CNTNAP2: variants seen among roughly 807,000 people sequenced by gnomAD.
CNTNAP2 encodes the protein contactin associated protein 2, also known as contactin-associated protein-like 2.
Under a neutral mutation model 155.2 loss-of-function variants are expected in CNTNAP2, and 98 were observed. That is an observed-to-expected ratio of 0.63 (90% CI 0.54 to 0.75). CNTNAP2 has a LOEUF of 0.75. Ranked by LOEUF, CNTNAP2 falls within the 30% of genes least tolerant of loss-of-function variation. The pLI, the probability that CNTNAP2 is intolerant of heterozygous loss-of-function variation, is 0.00. For synonymous variants in CNTNAP2, 651 were observed against 631.2 expected, an observed-to-expected ratio of 1.03 and a Z score of -0.47; for missense variants, 1,727 against 1,688.1, an observed-to-expected ratio of 1.02 and a Z score of -0.40.
At chr7:146,847,569 C>T (rs1415404904) in intron 3 of CNTNAP2, among the ~76,000 whole-genome samples, 1 of 152,144 alleles carries the variant, frequency 6.6e-6, no homozygotes, top group African/African-American at 2.4e-5. Context: ...TTATTTTATA[C>T]ATTTGTGATT....
At chr7:147,467,512 T>C (rs1361064714) in intron 10 of CNTNAP2, among the ~76,000 whole-genome samples, 1 of 152,158 alleles carries the variant, frequency 6.6e-6, no homozygotes, top group African/African-American at 2.4e-5. Context: ...CAGAGTGAAA[T>C]AATAGATACT....
At chr7:146,523,109 C>T (rs1170166973) in intron 1 of CNTNAP2, among the ~76,000 whole-genome samples, 1 of 151,964 alleles carries the variant, frequency 6.6e-6, no homozygotes, top group African/African-American at 2.4e-5. Context: ...GCAGTATATA[C>T]TGCACCATCT....
chr7:148,396,905 T>C (rs1001436152), intron 22 of CNTNAP2, among the ~76,000 whole-genome samples: 3 of 152,186 alleles, frequency 2.0e-5, no homozygotes, highest in Non-Finnish European at 2.9e-5. Context: ...ATTTTAAACA[T>C]AGAAAATAAG....
chr7:147,853,557 T>G (rs1181752137), intron 13 of CNTNAP2, among the ~76,000 whole-genome samples: 2 of 152,208 alleles, frequency 1.3e-5, no homozygotes, highest in East Asian at 3.8e-4. Flanking sequence ...AGAAGCTCGA[T>G]TATATATGTT....
chr7:146,940,600 C>T (rs1797032612), intron 3 of CNTNAP2, among the ~76,000 whole-genome samples: 1 of 151,856 alleles, frequency 6.6e-6, no homozygotes, highest in South Asian at 2.1e-4. Flanking sequence ...GATAAGAAGC[C>T]ATTCTCATGA....
At chr7:148,036,812 G>A (rs192695475) in intron 15 of CNTNAP2, among the ~76,000 whole-genome samples, 1 of 152,090 alleles carries the variant, frequency 6.6e-6, no homozygotes, top group African/African-American at 2.4e-5. Flanking sequence ...CCATAAAATG[G>A]ATGGAAATGT....
intron 21 of CNTNAP2, among the ~76,000 whole-genome samples, chr7:148,307,450 C>G (rs1797509091): frequency 2.0e-5 from 3 of 152,214 alleles, no homozygotes; most frequent in African/African-American, 7.2e-5. Context: ...GTGCAAGCAT[C>G]TGTCCTTGGA....
chr7:147,881,789 C>T (rs1799526763), intron 13 of CNTNAP2, among the ~76,000 whole-genome samples: 2 of 152,000 alleles, frequency 1.3e-5, no homozygotes, highest in African/African-American at 4.8e-5. Context: ...TGGCCAACAA[C>T]GGTGAAACCC....
At chr7:147,342,097 C>T (rs1163290945) in intron 9 of CNTNAP2, among the ~76,000 whole-genome samples, 1 of 152,086 alleles carries the variant, frequency 6.6e-6, no homozygotes, top group Non-Finnish European at 1.5e-5. Context: ...AGACTGGAAG[C>T]TTGCTGGCAT....
intron 8 of CNTNAP2, among the ~76,000 whole-genome samples, chr7:147,205,503 AC>A (rs1312931754): frequency 6.6e-6 from 1 of 152,140 alleles, no homozygotes; most frequent in Non-Finnish European, 1.5e-5. Flanking sequence ...GAATATCTTT[AC>A]ATTTTTGTGT....
At chr7:147,660,323 A>G (rs1055616706) in intron 13 of CNTNAP2, among the ~76,000 whole-genome samples, 2 of 151,906 alleles carry the variant, frequency 1.3e-5, no homozygotes, top group Non-Finnish European at 2.9e-5. Flanking sequence ...TTTCTGAGCA[A>G]CTCCACTTAT....
At chr7:146,847,608 T>C (rs1794784762) in intron 3 of CNTNAP2, among the ~76,000 whole-genome samples, 1 of 152,216 alleles carries the variant, frequency 6.6e-6, no homozygotes, top group Non-Finnish European at 1.5e-5. Flanking sequence ...GTATATTGGC[T>C]CTTTTCTTGA....
chr7:148,325,044 G>A (rs1399082853), intron 21 of CNTNAP2, among the ~76,000 whole-genome samples: 3 of 152,112 alleles, frequency 2.0e-5, no homozygotes, highest in African/African-American at 7.2e-5. Context: ...TAATTACCTC[G>A]GTTTACAGAA....
intron 8 of CNTNAP2, among the ~76,000 whole-genome samples, chr7:147,143,766 TAAG>T (rs939501633): frequency 1.3e-5 from 2 of 152,178 alleles, no homozygotes; most frequent in African/African-American, 2.4e-5. Flanking sequence ...ACTTTTATAA[TAAG>T]AGATTTTTTT....
rs143473146 is a variant in CNTNAP2 at position 146,418,125 on chromosome 7, GAGA to G, written c.97+301162_97+301164del. ...TTCTTAGTCTTCCTCATCTGTGAAA[GAGA>G]AGAAGAAGATGTGACTTACCTGTTT... On this transcript the variant is annotated intron_variant, in intron 1 of 23. Coordinates refer to ENST00000361727, the MANE Select transcript of CNTNAP2 (RefSeq NM_014141.6). Among the ~76,000 whole-genome samples the G allele has an allele frequency of 5.3e-3, 814 of 152,310 alleles. 8 individuals are homozygous for G. Among genetic ancestry groups the G allele is most frequent in the African/African-American group, 0.018 (756 of 41,588 alleles).
chr7:146,130,228 G>A (rs747972171), intron 1 of CNTNAP2, among the ~76,000 whole-genome samples: 3 of 152,192 alleles, frequency 2.0e-5, no homozygotes, highest in African/African-American at 4.8e-5. Flanking sequence ...TTGGGAGGCC[G>A]AGGCAAGAGG....
intron 8 of CNTNAP2, among the ~76,000 whole-genome samples, chr7:147,271,086 C>T (rs531822595): frequency 6.6e-6 from 1 of 152,038 alleles, no homozygotes; most frequent in South Asian, 2.1e-4. Context: ...CGTTATTGAA[C>T]GTAGAATTTA....
intron 1 of CNTNAP2, among the ~76,000 whole-genome samples, chr7:146,340,162 C>T (rs541221397): frequency 3.0e-4 from 38 of 128,534 alleles, no homozygotes; most frequent in African/African-American, 1.3e-3. Context: ...GAGCGAGACT[C>T]CGCCTCAAAA....
chr7:148,171,485 A>G (rs999099263), intron 17 of CNTNAP2, among the ~76,000 whole-genome samples: 2 of 152,230 alleles, frequency 1.3e-5, no homozygotes, highest in Non-Finnish European at 2.9e-5. Flanking sequence ...GAATGCCTCA[A>G]TGAATCTTTC....
Sources: allele counts gnomAD v4.1 joint callset (sites outside exome capture counted in the v4.1 genomes callset), GRCh38; gene constraint gnomAD v4.1.1; transcripts MANE v1.5; gene names NCBI Gene and HGNC (gene_info 2026-07-23, HGNC 2026-07-21).